Variants in DCDC1 observed in about 807,000 individuals in gnomAD.
DCDC1 encodes doublecortin domain-containing protein 1.
A neutral mutation model predicts 178.3 loss-of-function variants in DCDC1; 200 were observed. The observed-to-expected ratio is 1.12, with a 90% CI of 1.00 to 1.26. The LOEUF (loss-of-function observed/expected upper bound fraction) is 1.26, where lower values mean the gene tolerates loss of function less well. Among genes scored for constraint, DCDC1 ranks in the 50% most tolerant of loss-of-function variants. The pLI, the probability that DCDC1 is intolerant of heterozygous loss-of-function variation, is 0.00. For synonymous variants in DCDC1, 690 were observed against 604.8 expected (o/e 1.14, Z -2.07); for missense variants, 1,983 against 1,749.2 (o/e 1.13, Z -2.38).
intron 20 of DCDC1, among the ~76,000 whole-genome samples, chr11:30,986,339 T>G (rs1362308395): frequency 6.7e-6 from 1 of 150,360 alleles, no homozygotes; most frequent in African/African-American, 2.4e-5. Context: ...TCTCTCTCTT[T>G]TTTTTTTTTT....
intron 20 of DCDC1, among the ~76,000 whole-genome samples, chr11:30,999,477 C>T (rs1239235988): frequency 6.6e-6 from 1 of 152,090 alleles, no homozygotes; most frequent in Non-Finnish European, 1.5e-5. Context: ...ATGTATTCTA[C>T]TTAAAAATTA....
chr11:31,215,800 A>T (rs932468144), intron 9 of DCDC1, among the ~76,000 whole-genome samples: 5 of 150,258 alleles, frequency 3.3e-5, no homozygotes, highest in Non-Finnish European at 7.4e-5. Flanking sequence ...TAAAAAAAAA[A>T]AAAAATGGAG....
chr11:31,153,721 T>A lies in DCDC1; in HGVS notation c.1222-15937A>T, dbSNP rs140138146. Reference sequence around the variant, plus strand: ...TCGCTTGAACCCAGGATGCAGAGGTTGCAGTGTGCTGAGATTGTGCCACAG... The same window carrying A: ...TCGCTTGAACCCAGGATGCAGAGGTAGCAGTGTGCTGAGATTGTGCCACAG... On this transcript the variant is annotated intron_variant, in intron 9 of 38. Coordinates refer to ENST00000684477, the MANE Select transcript of DCDC1 (RefSeq NM_001387274.1). 2.0e-5 allele frequency among the ~76,000 whole-genome samples: 3 copies of A among 151,340 alleles called. No individual in the cohort carries two copies. In the East Asian group the frequency reaches 5.9e-4, roughly 30 times the overall value.
At chr11:31,246,719 C>T (rs948765281) in intron 8 of DCDC1, among the ~76,000 whole-genome samples, 8 of 151,984 alleles carry the variant, frequency 5.3e-5, no homozygotes, top group African/African-American at 7.2e-5. Flanking sequence ...GATTGAATGA[C>T]GGAGAACACA....
At chr11:30,970,109 G>C (rs1323231652) in intron 20 of DCDC1, among the ~76,000 whole-genome samples, 2 of 151,230 alleles carry the variant, frequency 1.3e-5, no homozygotes, top group African/African-American at 4.8e-5. Flanking sequence ...CCCCAGTGTG[G>C]GGAAAGGGTA....
intron 9 of DCDC1, among the ~76,000 whole-genome samples, chr11:31,160,903 A>G (rs1966259921): frequency 6.6e-6 from 1 of 152,168 alleles, no homozygotes; most frequent in South Asian, 2.1e-4. Flanking sequence ...CACTGGCTGC[A>G]TTTTTATTTC....
chr11:31,167,690 G>C (rs1367106122), intron 9 of DCDC1, among the ~76,000 whole-genome samples: 2 of 151,960 alleles, frequency 1.3e-5, no homozygotes, highest in Admixed American at 6.6e-5. Flanking sequence ...TTTTATTCTT[G>C]TATATCTTAT....
At chr11:31,006,953 A>G (rs1951880367) in intron 20 of DCDC1, among the ~76,000 whole-genome samples, 1 of 152,232 alleles carries the variant, frequency 6.6e-6, no homozygotes, top group Non-Finnish European at 1.5e-5. Context: ...CAGTATTCAC[A>G]TCTAGAAACT....
intron 1 of DCDC1, among the ~76,000 whole-genome samples, chr11:31,352,306 G>A (rs1047590061): frequency 2.6e-5 from 4 of 152,128 alleles, no homozygotes; most frequent in Admixed American, 6.5e-5. Context: ...GTATATGCAC[G>A]ATCCTATTTA....
intron 3 of DCDC1, among the ~76,000 whole-genome samples, chr11:31,308,981 A>G (rs550159114): frequency 1.3e-5 from 2 of 152,188 alleles, no homozygotes; most frequent in East Asian, 3.9e-4. Context: ...AAAGCTCAGC[A>G]GGGATTGCCC....
intron 9 of DCDC1, among the ~76,000 whole-genome samples, chr11:31,149,920 A>C (rs1964974421): frequency 6.6e-6 from 1 of 152,168 alleles, no homozygotes; most frequent in Non-Finnish European, 1.5e-5. Context: ...AAGACCAAGA[A>C]CCCACCCGAA....
At chr11:30,958,237 T>G (rs563495545) in intron 20 of DCDC1, among the ~76,000 whole-genome samples, 1 of 152,140 alleles carries the variant, frequency 6.6e-6, no homozygotes, top group Non-Finnish European at 1.5e-5. Context: ...GGAAAAAGTA[T>G]GTGGATGGAT....
chr11:31,005,560 T>G (rs544041325), intron 20 of DCDC1, among the ~76,000 whole-genome samples: 2 of 152,184 alleles, frequency 1.3e-5, no homozygotes, highest in African/African-American at 2.4e-5. Flanking sequence ...ATATGCAGAA[T>G]GCTTTGCTAT....
At chr11:31,003,183 T>C (rs1249323547) in intron 20 of DCDC1, among the ~76,000 whole-genome samples, 1 of 152,022 alleles carries the variant, frequency 6.6e-6, no homozygotes, top group African/African-American at 2.4e-5. Context: ...CATAACACTT[T>C]GTAAAGTTAA....
intron 32 of DCDC1, among the ~76,000 whole-genome samples, chr11:30,901,295 C>T (rs993086759): frequency 2.0e-5 from 3 of 152,068 alleles, no homozygotes; most frequent in African/African-American, 7.2e-5. Flanking sequence ...TTATTAAGGC[C>T]TTTACATACA....
At chr11:31,280,822 G>A (rs1347282058) in intron 7 of DCDC1, 5 of 619,714 alleles carry the variant, frequency 8.1e-6, no homozygotes, top group South Asian at 1.4e-5. Flanking sequence ...TGATGCCTTT[G>A]TTCTTATTGG....
At chr11:30,905,424 T>A (rs1003372678) in intron 30 of DCDC1, among the ~76,000 whole-genome samples, 1 of 152,136 alleles carries the variant, frequency 6.6e-6, no homozygotes, top group Admixed American at 6.6e-5. Context: ...TTGTTTTTGT[T>A]TGTTTATTTG....
At chr11:30,925,588 T>A (rs1946539616) in intron 22 of DCDC1, among the ~76,000 whole-genome samples, 180 bp from the exon 23 acceptor site, 2 of 152,248 alleles carry the variant, frequency 1.3e-5, no homozygotes, top group South Asian at 4.2e-4. Flanking sequence ...CTCTCCAAAT[T>A]GTGGCACTTG....
chr11:31,082,646 CAT>C (rs1213083612), intron 17 of DCDC1, among the ~76,000 whole-genome samples: 1 of 151,614 alleles, frequency 6.6e-6, no homozygotes, highest in Admixed American at 6.6e-5. Context: ...TACATCTACA[CAT>C]ATATATGTGC....
Sources: gnomAD v4.1 joint callset for allele counts (sites outside exome capture counted in the v4.1 genomes callset) on GRCh38, gnomAD v4.1.1 for gene constraint, MANE v1.5 for transcripts, NCBI Gene and HGNC (gene_info 2026-07-23, HGNC 2026-07-21) for gene names.